Variants in HDAC9 observed in about 807,000 individuals in gnomAD.
The protein encoded by HDAC9 is MEF-2 interacting transcription repressor (MITR) protein.
A neutral mutation model predicts 139.4 loss-of-function variants in HDAC9; 41 were observed. The ratio of observed to expected loss-of-function variants is 0.29; its 90% CI spans 0.23 to 0.38. The LOEUF (loss-of-function observed/expected upper bound fraction) is 0.38. Ranked by LOEUF, HDAC9 falls within the 10% of genes least tolerant of loss-of-function variation. The probability of loss-of-function intolerance (pLI) is 1.00; values close to 1 mark genes in which losing one functional copy is unlikely to be tolerated. For missense variants in HDAC9, 1,147 were observed against 1,297.0 expected (o/e 0.88, Z 1.78); for synonymous variants, 517 against 476.2 (o/e 1.09, Z -1.12).
At chr7:18,603,300 A>G (rs1316969470) in intron 6 of HDAC9, among the ~76,000 whole-genome samples, 1 of 152,108 alleles carries the variant, frequency 6.6e-6, no homozygotes, top group Non-Finnish European at 1.5e-5. Flanking sequence ...TAAAATGATC[A>G]TTAATATAAT....
intron 2 of HDAC9, among the ~76,000 whole-genome samples, chr7:18,581,206 C>T (rs985996034): frequency 1.3e-5 from 2 of 152,052 alleles, no homozygotes; most frequent in African/African-American, 2.4e-5. Flanking sequence ...CTTGTATAAA[C>T]GCTGCTATAT....
chr7:18,796,144 A>C (rs539301844), intron 17 of HDAC9, among the ~76,000 whole-genome samples: 4 of 152,216 alleles, frequency 2.6e-5, no homozygotes, highest in Admixed American at 2.6e-4. Flanking sequence ...GAGTAAAATT[A>C]AGAGCTTTAT....
At chr7:18,468,204 A>C (rs1415052698) in intron 1 of HDAC9, among the ~76,000 whole-genome samples, 2 of 152,144 alleles carry the variant, frequency 1.3e-5, no homozygotes, top group Non-Finnish European at 2.9e-5. Context: ...ACTAAGCACA[A>C]CTCATAAACA....
intron 1 of HDAC9, among the ~76,000 whole-genome samples, chr7:18,416,390 G>T (rs1297682073): frequency 1.3e-5 from 2 of 152,000 alleles, no homozygotes; most frequent in African/African-American, 4.8e-5. Flanking sequence ...TAATATCTTT[G>T]TCAGGTTTTG....
chr7:18,714,931 T>C (rs950739590), intron 12 of HDAC9, among the ~76,000 whole-genome samples: 2 of 152,206 alleles, frequency 1.3e-5, no homozygotes, highest in South Asian at 2.1e-4. Context: ...ATGAGTTCCA[T>C]GAAAGCCAAG....
At chr7:18,484,299 G>C (rs1795807120) in intron 1 of HDAC9, among the ~76,000 whole-genome samples, 1 of 150,714 alleles carries the variant, frequency 6.6e-6, no homozygotes, top group African/African-American at 2.4e-5. Flanking sequence ...TTACACTACT[G>C]CACTACACCT....
At chr7:18,275,128 A>G (rs374383821) in intron 2 of HDAC9, among the ~76,000 whole-genome samples, 2 of 152,270 alleles carry the variant, frequency 1.3e-5, no homozygotes, top group South Asian at 2.1e-4. Context: ...AGTGTTTCCC[A>G]TATCAATTAA....
chr7:18,937,939 C>T (rs566734916), intron 23 of HDAC9, among the ~76,000 whole-genome samples: 3 of 152,294 alleles, frequency 2.0e-5, no homozygotes, highest in South Asian at 4.1e-4. Flanking sequence ...GTGATCTCCC[C>T]TATGATCTCT....
At position 18,257,114 on chromosome 7, in the gene HDAC9, A is replaced by ATGTG. The variant is rs1491093488; in HGVS notation, c.25+94768_25+94769insGTGT. Among the ~76,000 whole-genome samples the ATGTG allele has an allele frequency of 1.1e-4, 8 of 76,042 alleles. No homozygotes were observed. In the East Asian group the frequency reaches 1.8e-3, roughly 17 times the overall value. The allele number at this position is 76,042 out of a possible 152,430, so 49.9% of individuals were successfully genotyped here. A position where few individuals can be genotyped will look rare whatever the true frequency, so the allele number is the denominator to read the frequency against. On this transcript the variant is annotated intron_variant, in intron 2 of 12. Transcript: ENST00000417496. ...AAATTGTGTATGTGTGTGTGTGTGCATGTATGTGTGTGTGTGTGTGTGTGT... is the reference window on the plus strand; with the variant it reads ...AAATTGTGTATGTGTGTGTGTGTGCATGTGTGTATGTGTGTGTGTGTGTGTGTGT...
chr7:18,193,340 A>C (rs1199195360), intron 2 of HDAC9, among the ~76,000 whole-genome samples: 1 of 152,222 alleles, frequency 6.6e-6, no homozygotes. Flanking sequence ...GTTCAGTTCA[A>C]CAAATATTTA....
chr7:18,517,513 A>C (rs1803621659), intron 2 of HDAC9: 1 of 152,168 alleles, frequency 6.6e-6, no homozygotes, highest in Admixed American at 6.6e-5. Context: ...TCTAGAGTCT[A>C]GTATGGCTGC....
chr7:18,232,232 A>G (rs528883867), intron 2 of HDAC9, among the ~76,000 whole-genome samples: 54 of 152,044 alleles, frequency 3.6e-4, no homozygotes, highest in Non-Finnish European at 6.9e-4. Context: ...TTGAGTGACT[A>G]CTGTGTGCCA....
chr7:18,557,504 A>G (rs1311249878), intron 2 of HDAC9, among the ~76,000 whole-genome samples: 1 of 151,044 alleles, frequency 6.6e-6, no homozygotes, highest in Non-Finnish European at 1.5e-5. Flanking sequence ...AGAGATATAA[A>G]CATAATATTT....
intron 2 of HDAC9, among the ~76,000 whole-genome samples, chr7:18,529,752 T>C: frequency 6.6e-6 from 1 of 152,188 alleles, no homozygotes; most frequent in East Asian, 1.9e-4. Flanking sequence ...CTTGAACTCA[T>C]TGGATTCACC....
At chr7:18,704,921 T>G (rs976973915) in intron 12 of HDAC9, among the ~76,000 whole-genome samples, 1 of 152,212 alleles carries the variant, frequency 6.6e-6, no homozygotes, top group Non-Finnish European at 1.5e-5. Flanking sequence ...GAATATTTTG[T>G]TTTATTGATA....
At chr7:18,476,181 T>C (rs1446699162) in intron 1 of HDAC9, among the ~76,000 whole-genome samples, 1 of 152,192 alleles carries the variant, frequency 6.6e-6, no homozygotes, top group Non-Finnish European at 1.5e-5. Flanking sequence ...GTTTATGCTA[T>C]GTTACTCTGC....
At chr7:18,370,416 C>G (rs1784508080) in intron 1 of HDAC9, among the ~76,000 whole-genome samples, 1 of 152,140 alleles carries the variant, frequency 6.6e-6, no homozygotes, top group African/African-American at 2.4e-5. Context: ...AAATATTGAA[C>G]TCTAGCTAGT....
At chr7:18,281,715 T>G (rs1172305611) in intron 2 of HDAC9, among the ~76,000 whole-genome samples, 5 of 152,204 alleles carry the variant, frequency 3.3e-5, no homozygotes, top group Non-Finnish European at 7.3e-5. Flanking sequence ...AGTGCTGTAT[T>G]TAGACATCTG....
At chr7:18,102,987 A>G (rs893881842) in intron 1 of HDAC9, among the ~76,000 whole-genome samples, 2 of 152,222 alleles carry the variant, frequency 1.3e-5, no homozygotes, top group Non-Finnish European at 2.9e-5. Flanking sequence ...GCTAATAAAG[A>G]CATACCCGAG....
Sources: allele counts gnomAD v4.1 joint callset (sites outside exome capture counted in the v4.1 genomes callset), GRCh38; gene constraint gnomAD v4.1.1; transcripts MANE v1.5; gene names NCBI Gene and HGNC (gene_info 2026-07-23, HGNC 2026-07-21).